The following MINDY2 variants were observed in gnomAD, a reference collection of about 807,000 sequenced individuals.
MINDY2 encodes the protein MINDY lysine 48 deubiquitinase 2, also known as ubiquitin carboxyl-terminal hydrolase MINDY-2.
MINDY2 carries 52 observed loss-of-function variants against 68.2 expected under a neutral mutation model. That is an observed-to-expected ratio of 0.76 (90% CI 0.61 to 0.96). The LOEUF is 0.96. Among genes scored for constraint, MINDY2 ranks in the 40% least tolerant of loss-of-function variants. The pLI is 0.00. For synonymous variants in MINDY2, 372 were observed against 303.0 expected (o/e 1.23, Z -2.36); for missense variants, 881 against 773.4 (o/e 1.14, Z -1.65).
intron 6 of MINDY2, among the ~76,000 whole-genome samples, chr15:58,836,907 A>T (rs2032022743): frequency 6.6e-6 from 1 of 152,116 alleles, no homozygotes. Flanking sequence ...GGTGTGAACC[A>T]CTACACCCAG....
intron 3 of MINDY2, among the ~76,000 whole-genome samples, chr15:58,807,879 C>A (rs145635567): frequency 1.4e-3 from 216 of 152,238 alleles, no homozygotes; most frequent in African/African-American, 4.7e-3. Flanking sequence ...TTTGCACTGG[C>A]ATCTACTTTG....
intron 8 of MINDY2, among the ~76,000 whole-genome samples, chr15:58,854,246 A>G (rs1357546035): frequency 6.6e-6 from 1 of 151,444 alleles, no homozygotes; most frequent in African/African-American, 2.4e-5. Flanking sequence ...TCTGTCTCAA[A>G]AAAAAAAAAA....
intron 6 of MINDY2, among the ~76,000 whole-genome samples, chr15:58,840,114 G>A (rs560760172): frequency 2.0e-5 from 3 of 152,302 alleles, no homozygotes; most frequent in African/African-American, 2.4e-5. Context: ...GATTACAGGC[G>A]TGAGCCACGC....
At chr15:58,813,116 C>G (rs982999223) in intron 4 of MINDY2, among the ~76,000 whole-genome samples, 1 of 152,186 alleles carries the variant, frequency 6.6e-6, no homozygotes, top group South Asian at 2.1e-4. Flanking sequence ...CAGATTGTTG[C>G]ATCTATCAGT....
chr15:58,844,362 A>T (rs912618250), intron 6 of MINDY2, among the ~76,000 whole-genome samples: 1 of 151,382 alleles, frequency 6.6e-6, no homozygotes, highest in African/African-American at 2.4e-5. Context: ...CCTGGCTAAC[A>T]CGGTGAAACC....
rs35724367 is a variant in MINDY2 at position 58,840,823 on chromosome 15, ATT to A, written c.1369-6457_1369-6456del. ...AGGCCCCCGCCACCATGCCCAGCTA[ATT>A]TTTTTTTTTTTTTTTTGTATTTTTA... On this transcript the variant is annotated intron_variant, in intron 6 of 8. Transcript: ENST00000559228. 2.5e-3 allele frequency among the ~76,000 whole-genome samples: 309 copies of A among 124,766 alleles called. 2 individuals are homozygous for A. Among genetic ancestry groups the A allele is most frequent in the African/African-American group, 8.1e-3 (264 of 32,444 alleles). The allele number at this position is 124,766 out of a possible 152,430, so 81.9% of individuals were successfully genotyped here.
At chr15:58,842,862 C>T (rs1237827638) in intron 6 of MINDY2, among the ~76,000 whole-genome samples, 3 of 152,162 alleles carry the variant, frequency 2.0e-5, no homozygotes, top group African/African-American at 7.2e-5. Context: ...TTGCCCAAGA[C>T]CATTTAGCTT....
intron 1 of MINDY2, among the ~76,000 whole-genome samples, chr15:58,778,249 T>C (rs949951918): frequency 2.0e-5 from 3 of 152,192 alleles, no homozygotes; most frequent in Admixed American, 6.5e-5. Context: ...AGTCATTGTA[T>C]AGCATTTTAG....
intron 6 of MINDY2, among the ~76,000 whole-genome samples, chr15:58,838,858 G>A (rs1224354546): frequency 6.6e-6 from 1 of 151,936 alleles, no homozygotes; most frequent in Admixed American, 6.6e-5. Flanking sequence ...TGAGATTACA[G>A]GTGTGAGCCA....
intron 1 of MINDY2, among the ~76,000 whole-genome samples, chr15:58,778,831 G>C (rs1391619949): frequency 2.2e-5 from 1 of 44,642 alleles, no homozygotes; most frequent in South Asian, 5.8e-4. Context: ...TTTTTTTTTT[G>C]AGACGGAATC....
At chr15:58,774,492 GAAA>G (rs11385535) in intron 1 of MINDY2, among the ~76,000 whole-genome samples, 3 of 92,828 alleles carry the variant, frequency 3.2e-5, no homozygotes, top group Non-Finnish European at 4.7e-5. Context: ...CCCAAAAAAA[GAAA>G]AAAAAAAAAA....
At chr15:58,848,470 G>A (rs959261536) in intron 7 of MINDY2, among the ~76,000 whole-genome samples, 44 of 152,308 alleles carry the variant, frequency 2.9e-4, no homozygotes, top group African/African-American at 9.4e-4. Context: ...TTCTCCGGGT[G>A]CGGTGGCTCA....
chr15:58,781,889 G>A (rs1282501289), intron 1 of MINDY2, among the ~76,000 whole-genome samples: 2 of 151,662 alleles, frequency 1.3e-5, no homozygotes, highest in South Asian at 2.1e-4. Context: ...GTGACAGAGC[G>A]AGACTCCATC....
chr15:58,825,861 C>T (rs1405974982), intron 5 of MINDY2, among the ~76,000 whole-genome samples: 1 of 152,118 alleles, frequency 6.6e-6, no homozygotes, highest in East Asian at 1.9e-4. Flanking sequence ...CCACCTCAGC[C>T]TCCCAAAGTG....
intron 3 of MINDY2, among the ~76,000 whole-genome samples, chr15:58,803,240 G>A (rs1489210822): frequency 2.1e-5 from 3 of 144,814 alleles, no homozygotes; most frequent in Non-Finnish European, 4.6e-5. Flanking sequence ...GCCGAGGTGG[G>A]CAGATCACGA....
chr15:58,811,577 A>G (rs1396258748), intron 4 of MINDY2, among the ~76,000 whole-genome samples: 1 of 152,232 alleles, frequency 6.6e-6, no homozygotes. Flanking sequence ...AAGATTGATT[A>G]GTAAAGCACA....
chr15:58,834,758 T>A (rs1332208583), intron 6 of MINDY2, among the ~76,000 whole-genome samples: 1 of 152,230 alleles, frequency 6.6e-6, no homozygotes, highest in Non-Finnish European at 1.5e-5. Context: ...CTTCATATTT[T>A]CTTCAACACT....
At chr15:58,806,915 G>A (rs930079133) in intron 3 of MINDY2, among the ~76,000 whole-genome samples, 5 of 152,160 alleles carry the variant, frequency 3.3e-5, no homozygotes, top group African/African-American at 1.2e-4. Context: ...AGATGAAACT[G>A]ACAAAGGTCA....
At chr15:58,854,362 T>C in intron 8 of MINDY2, 120 bp from the exon 9 acceptor site, 3 of 1,093,606 alleles carry the variant, frequency 2.7e-6, no homozygotes, top group Non-Finnish European at 3.8e-6. Context: ...TGTATGCCAA[T>C]AGCTAGCTTC....
Sources: allele counts gnomAD v4.1 joint callset (sites outside exome capture counted in the v4.1 genomes callset), GRCh38; gene constraint gnomAD v4.1.1; transcripts MANE v1.5; gene names NCBI Gene and HGNC (gene_info 2026-07-23, HGNC 2026-07-21).